Variants in MORC1 observed in about 807,000 individuals in gnomAD.
MORC1 encodes the protein MORC family CW-type zinc finger protein 1.
MORC1 carries 59 observed loss-of-function variants against 134.9 expected under a neutral mutation model. That is an observed-to-expected ratio of 0.44 (90% CI 0.35 to 0.54). The LOEUF (loss-of-function observed/expected upper bound fraction) is 0.54. Among genes scored for constraint, MORC1 ranks in the 20% least tolerant of loss-of-function variants. MORC1 has a pLI of 0.00. For synonymous variants in MORC1, 395 were observed against 391.7 expected (o/e 1.01, Z -0.10); for missense variants, 947 against 1,134.5 (o/e 0.83, Z 2.37).
intron 8 of MORC1, among the ~76,000 whole-genome samples, chr3:109,079,626 TACC>T: frequency 6.6e-6 from 1 of 152,182 alleles, no homozygotes; most frequent in Non-Finnish European, 1.5e-5. Flanking sequence ...TACCTACTAT[TACC>T]ACTTCTATTT....
chr3:108,981,101 A>G (rs193075569), intron 23 of MORC1, among the ~76,000 whole-genome samples: 16 of 152,264 alleles, frequency 1.1e-4, no homozygotes, highest in African/African-American at 3.9e-4. Context: ...CCATAGGGGG[A>G]AAAAAGTACA....
intron 17 of MORC1, among the ~76,000 whole-genome samples, chr3:109,025,104 T>C (rs771444995): frequency 4.6e-5 from 7 of 152,170 alleles, no homozygotes; most frequent in South Asian, 2.1e-4. Flanking sequence ...ATTATAACTA[T>C]ATGGGAGTTG....
intron 14 of MORC1, among the ~76,000 whole-genome samples, chr3:109,049,437 C>A (rs1357143424): frequency 6.6e-6 from 1 of 152,158 alleles, no homozygotes; most frequent in South Asian, 2.1e-4. Flanking sequence ...GTCTGATTTT[C>A]CTGTCCTATG....
At chr3:108,992,841 A>G (rs1341213227) in intron 21 of MORC1, among the ~76,000 whole-genome samples, 2 of 152,152 alleles carry the variant, frequency 1.3e-5, no homozygotes, top group East Asian at 3.9e-4. Context: ...CTCTTTTTCC[A>G]CAAAGAAATT....
chr3:109,087,546 T>C (rs951333918), intron 8 of MORC1, among the ~76,000 whole-genome samples: 2 of 151,844 alleles, frequency 1.3e-5, no homozygotes, highest in Non-Finnish European at 2.9e-5. Context: ...ACAAGGAGAA[T>C]TACAAAACAC....
chr3:109,038,430 T>C (rs1351335627), intron 14 of MORC1, among the ~76,000 whole-genome samples: 1 of 152,168 alleles, frequency 6.6e-6, no homozygotes, highest in Non-Finnish European at 1.5e-5. Flanking sequence ...GTGCTGAAGC[T>C]CTTCAGTTTA....
intron 17 of MORC1, among the ~76,000 whole-genome samples, chr3:109,025,796 G>A (rs1949061524): frequency 6.6e-6 from 1 of 152,100 alleles, no homozygotes; most frequent in Non-Finnish European, 1.5e-5. Context: ...ACTTTATAGT[G>A]GTTGCTCATT....
intron 3 of MORC1, among the ~76,000 whole-genome samples, chr3:109,107,124 T>C (rs1458285467): frequency 1.3e-5 from 2 of 152,214 alleles, no homozygotes; most frequent in Non-Finnish European, 2.9e-5. Flanking sequence ...CCTTCCACCC[T>C]TTCCACGCTT....
At chr3:109,105,977 TTTA>T (rs1951025450) in intron 3 of MORC1, among the ~76,000 whole-genome samples, 1 of 152,188 alleles carries the variant, frequency 6.6e-6, no homozygotes, top group Admixed American at 6.5e-5. Context: ...ACTTGTTCTG[TTTA>T]GTCCTCCCTC....
At chr3:109,019,570 T>C (rs1041056551) in intron 17 of MORC1, among the ~76,000 whole-genome samples, 1 of 152,128 alleles carries the variant, frequency 6.6e-6, no homozygotes, top group East Asian at 1.9e-4. Flanking sequence ...AATTTAGTAA[T>C]AGAATGAGGG....
chr3:109,115,807 A>G (rs1951259585), intron 1 of MORC1, among the ~76,000 whole-genome samples: 1 of 152,212 alleles, frequency 6.6e-6, no homozygotes, highest in Non-Finnish European at 1.5e-5. Context: ...CGGAAAACAC[A>G]CAAGTAAACA....
chr3:109,010,996 C>T (rs1948667989), intron 17 of MORC1, among the ~76,000 whole-genome samples: 1 of 152,198 alleles, frequency 6.6e-6, no homozygotes, highest in Admixed American at 6.5e-5. Context: ...TATATGCTTA[C>T]ATTTCTCTTG....
In MORC1 at chr3:109,044,526, C is replaced by A. The variant is rs549302053; in HGVS notation, c.1331-9058G>T. On this transcript the variant is annotated intron_variant, in intron 14 of 27. Transcript: ENST00000232603. Reference sequence around the variant, plus strand: ...TGAGCCGATATCACGCCACTGCACTCCAGCCTGGGCAACAGAGCGAGACTC... The same window carrying A: ...TGAGCCGATATCACGCCACTGCACTACAGCCTGGGCAACAGAGCGAGACTC... 2.4e-3 allele frequency among the ~76,000 whole-genome samples: 359 copies of A among 150,504 alleles called. 1 individual carries two copies. Among genetic ancestry groups the A allele is most frequent in the African/African-American group, 8.3e-3 (339 of 41,048 alleles).
intron 8 of MORC1, among the ~76,000 whole-genome samples, chr3:109,088,918 A>G (rs1950665206): frequency 6.6e-6 from 1 of 152,168 alleles, no homozygotes; most frequent in African/African-American, 2.4e-5. Flanking sequence ...TTGCAGGAAT[A>G]TGGATAGAGC....
At chr3:109,018,583 T>C (rs1948877096) in intron 17 of MORC1, among the ~76,000 whole-genome samples, 1 of 152,148 alleles carries the variant, frequency 6.6e-6, no homozygotes, top group African/African-American at 2.4e-5. Flanking sequence ...CATACAGAAA[T>C]GTCCAGATAC....
At chr3:109,062,667 G>A (rs759936257) in intron 10 of MORC1, among the ~76,000 whole-genome samples, 4 of 152,070 alleles carry the variant, frequency 2.6e-5, no homozygotes, top group Non-Finnish European at 5.9e-5. Context: ...TGATCCGCCC[G>A]CCTTGAGAAC....
At chr3:109,075,276 A>T (rs1000321340) in intron 8 of MORC1, among the ~76,000 whole-genome samples, 4 of 152,186 alleles carry the variant, frequency 2.6e-5, no homozygotes, top group Non-Finnish European at 4.4e-5. Flanking sequence ...CTCCTGCTGA[A>T]ATTCAAGGAA....
At chr3:109,011,136 G>A (rs892016218) in intron 17 of MORC1, among the ~76,000 whole-genome samples, 1 of 152,202 alleles carries the variant, frequency 6.6e-6, no homozygotes, top group Non-Finnish European at 1.5e-5. Flanking sequence ...GATCACTTGA[G>A]GCTAGGAGTT....
At chr3:109,049,136 A>G in intron 14 of MORC1, 1 of 984,636 alleles carries the variant, frequency 1.0e-6, no homozygotes, top group Non-Finnish European at 1.2e-6. Flanking sequence ...CTCGACGTGT[A>G]TCCTTAGCAA....
Sources: allele counts gnomAD v4.1 joint callset (sites outside exome capture counted in the v4.1 genomes callset), GRCh38; gene constraint gnomAD v4.1.1; transcripts MANE v1.5; gene names NCBI Gene and HGNC (gene_info 2026-07-23, HGNC 2026-07-21).